PTPRZ1: variants seen among roughly 807,000 people sequenced by gnomAD.
The protein encoded by PTPRZ1 is protein tyrosine phosphatase receptor type Z1.
PTPRZ1 carries 82 observed loss-of-function variants against 214.1 expected under a neutral mutation model. That is an observed-to-expected ratio of 0.38 (90% CI 0.32 to 0.46). PTPRZ1 has a LOEUF of 0.46. Among genes scored for constraint, PTPRZ1 ranks in the 20% least tolerant of loss-of-function variants. PTPRZ1 has a pLI of 1.00. For synonymous variants in PTPRZ1, 945 were observed against 987.9 expected (o/e 0.96, Z 0.81); for missense variants, 2,603 against 2,748.7 (o/e 0.95, Z 1.19).
chr7:121,882,237 A>G lies in PTPRZ1; in HGVS notation c.58+8680A>G, dbSNP rs564219414. Among the ~76,000 whole-genome samples the G allele has an allele frequency of 3.9e-5, 6 of 152,306 alleles. No individual in the cohort carries two copies. In the East Asian group the frequency reaches 7.7e-4, roughly 20 times the overall value. The stretch of plus-strand genomic sequence containing the variant: ...CAGAGAGACTATTCTTCTCATGGCC[A>G]GCTGAACTTTTACAAGATAGAAAGA... On this transcript the variant is annotated intron_variant, in intron 1 of 29. Coordinates refer to ENST00000393386, the MANE Select transcript of PTPRZ1 (RefSeq NM_002851.3).
chr7:122,049,181 G>A lies in PTPRZ1; in HGVS notation c.6085-2247G>A, dbSNP rs981491352. Among the ~76,000 whole-genome samples the A allele has an allele frequency of 2.6e-5, 4 of 151,930 alleles. No individual in the cohort carries two copies. The East Asian group carries it at 7.7e-4, about 29-fold the overall frequency. The stretch of plus-strand genomic sequence containing the variant: ...AACTCTTAGTAAACCAGAAATAGAA[G>A]AAAGCTTTCTTAGCCTTCTAGAAAG... On this transcript the variant is annotated intron_variant, in intron 23 of 29. Coordinates refer to ENST00000393386, the MANE Select transcript of PTPRZ1 (RefSeq NM_002851.3).
At chr7:121,908,541 A>G (rs1438025831) in intron 1 of PTPRZ1, 1 of 336,060 alleles carries the variant, frequency 3.0e-6, no homozygotes, top group Non-Finnish European at 5.7e-6. Context: ...AGATGTTCAT[A>G]CTCCAGTCTT....
At chr7:121,925,511 G>A (rs1191019966) in intron 1 of PTPRZ1, among the ~76,000 whole-genome samples, 2 of 152,118 alleles carry the variant, frequency 1.3e-5, no homozygotes, top group Non-Finnish European at 2.9e-5. Flanking sequence ...ATATTCAATT[G>A]TCAAAACAAA....
chr7:121,952,025 C>T (rs1796559411), intron 2 of PTPRZ1, among the ~76,000 whole-genome samples: 1 of 149,890 alleles, frequency 6.7e-6, no homozygotes, highest in Non-Finnish European at 1.5e-5. Context: ...GTGACGCGAT[C>T]TCGGCTCACT....
intron 2 of PTPRZ1, among the ~76,000 whole-genome samples, chr7:121,960,805 G>A (rs576175356): frequency 1.3e-3 from 192 of 151,852 alleles, no homozygotes; most frequent in African/African-American, 4.2e-3. Flanking sequence ...TCATATTCTT[G>A]TGTTAATGGC....
At chr7:121,960,581 A>G (rs1007753623) in intron 2 of PTPRZ1, among the ~76,000 whole-genome samples, 1 of 152,134 alleles carries the variant, frequency 6.6e-6, no homozygotes, top group Admixed American at 6.6e-5. Context: ...CTTACAAACA[A>G]TTATAATTAT....
chr7:121,970,048 G>A lies in PTPRZ1; in HGVS notation c.304+1918G>A, dbSNP rs887282481. 9.4e-5 allele frequency among the ~76,000 whole-genome samples: 14 copies of A among 148,734 alleles called. 1 individual carries two copies. Among genetic ancestry groups the A allele is most frequent in the Admixed American group, 5.5e-4 (8 of 14,584 alleles). The stretch of plus-strand genomic sequence containing the variant: ...ATCCCACCTATGAGTGAGAACATGC[G>A]GTGTTTGGTTTTTTGTCCTTGCGAT... On this transcript the variant is annotated intron_variant, in intron 3 of 29. Coordinates refer to ENST00000393386, the MANE Select transcript of PTPRZ1 (RefSeq NM_002851.3).
intron 1 of PTPRZ1, among the ~76,000 whole-genome samples, chr7:121,876,681 C>T (rs868853717): frequency 2.6e-5 from 4 of 152,112 alleles, no homozygotes; most frequent in South Asian, 2.1e-4. Context: ...AAATTAATTC[C>T]TTTTCATTGC....
chr7:121,990,155 G>A (rs1211193200), intron 8 of PTPRZ1, among the ~76,000 whole-genome samples: 1 of 151,974 alleles, frequency 6.6e-6, no homozygotes, highest in Non-Finnish European at 1.5e-5. Context: ...TTGACCAAGA[G>A]GAGAAGTAAA....
intron 1 of PTPRZ1, among the ~76,000 whole-genome samples, chr7:121,898,724 C>T (rs1236334053): frequency 6.6e-6 from 1 of 152,172 alleles, no homozygotes. Flanking sequence ...GGTGGTATAT[C>T]TGCTGCTCTA....
intron 8 of PTPRZ1, among the ~76,000 whole-genome samples, chr7:121,989,375 G>GA (rs1554356735): frequency 7.3e-6 from 1 of 137,448 alleles, no homozygotes; most frequent in Non-Finnish European, 1.5e-5. Context: ...TCCTATGAAA[G>GA]TTTTTTTTTT....
intron 2 of PTPRZ1, among the ~76,000 whole-genome samples, chr7:121,954,064 T>G (rs924404149): frequency 6.6e-6 from 1 of 152,208 alleles, no homozygotes; most frequent in Non-Finnish European, 1.5e-5. Flanking sequence ...ATATTAAATC[T>G]TAACTTTTAA....
At chr7:122,046,463 C>T (rs1584775072) in intron 23 of PTPRZ1, among the ~76,000 whole-genome samples, 1 of 151,876 alleles carries the variant, frequency 6.6e-6, no homozygotes, top group East Asian at 1.9e-4. Context: ...TGAAAAATGC[C>T]ATTATAGAGG....
At chr7:122,060,874 C>T (rs1409565084) in intron 29 of PTPRZ1, among the ~76,000 whole-genome samples, 2 of 152,096 alleles carry the variant, frequency 1.3e-5, no homozygotes. Context: ...TTTTCTAGGT[C>T]AGTGAATGGT....
intron 2 of PTPRZ1, among the ~76,000 whole-genome samples, chr7:121,942,999 A>T (rs1584665301): frequency 6.6e-6 from 1 of 152,190 alleles, no homozygotes; most frequent in Non-Finnish European, 1.5e-5. Flanking sequence ...ACTTTAGAAG[A>T]TTGTATGTTA....
chr7:122,055,597 T>C (rs1237923485), intron 27 of PTPRZ1, among the ~76,000 whole-genome samples: 1 of 151,848 alleles, frequency 6.6e-6, no homozygotes, highest in Non-Finnish European at 1.5e-5. Context: ...GACAATAAAC[T>C]AAGAATATTT....
chr7:122,051,405 T>C (rs1562883384), intron 23 of PTPRZ1, 23 bp from the exon 24 acceptor site: 1 of 1,580,178 alleles, frequency 6.3e-7, no homozygotes, highest in Non-Finnish European at 8.7e-7. Flanking sequence ...ATAACCTATA[T>C]ATTTTTTTAC....
intron 2 of PTPRZ1, among the ~76,000 whole-genome samples, chr7:121,947,866 C>T (rs546802044): frequency 6.6e-6 from 1 of 152,100 alleles, no homozygotes; most frequent in African/African-American, 2.4e-5. Flanking sequence ...CTGAAATTTT[C>T]TCACATGACA....
At chr7:121,959,230 A>T (rs1196495) in intron 2 of PTPRZ1, among the ~76,000 whole-genome samples, 88,007 of 152,040 alleles carry the variant, frequency 0.58, 25,934 homozygotes, top group African/African-American at 0.67. Context: ...CCCTGCCAAT[A>T]GCATATATCA....
Sources: allele counts gnomAD v4.1 joint callset (sites outside exome capture counted in the v4.1 genomes callset), GRCh38; gene constraint gnomAD v4.1.1; transcripts MANE v1.5; gene names NCBI Gene and HGNC (gene_info 2026-07-23, HGNC 2026-07-21).